MAML3: variants seen among roughly 807,000 people sequenced by gnomAD.
MAML3 encodes mastermind-like protein 3.
A neutral mutation model predicts 101.9 loss-of-function variants in MAML3; 27 were observed. The observed-to-expected ratio is 0.27, with a 90% CI of 0.20 to 0.37. The LOEUF (loss-of-function observed/expected upper bound fraction) is 0.37. MAML3 is among the 10% of genes least tolerant of loss of function. The pLI, the probability that MAML3 is intolerant of heterozygous loss-of-function variation, is 1.00. For missense variants in MAML3, 1,316 were observed against 1,444.9 expected (o/e 0.91, Z 1.45); for synonymous variants, 501 against 555.9 (o/e 0.90, Z 1.39).
Position 140,153,496 on chromosome 4 carries a change from T to C in MAML3, c.-169A>G. 2 of 732,350 alleles carry C rather than the reference T, an allele frequency of 2.7e-6. No individual in the cohort carries two copies. Among genetic ancestry groups the C allele is most frequent in the Non-Finnish European group, 2.1e-6 (1 of 487,366 alleles). 45.4% of individuals were successfully genotyped at this position (732,350 alleles called of 1,614,324 possible). A position where few individuals can be genotyped will look rare whatever the true frequency, so the allele number is the denominator to read the frequency against. Reference sequence around the variant, plus strand: ...GGCGAAAAAAACGGGGGGGGAGATTTTGGGGTGGTTTTTGTTTCCTTTTTT... The same window carrying C: ...GGCGAAAAAAACGGGGGGGGAGATTCTGGGGTGGTTTTTGTTTCCTTTTTT... On this transcript the variant is annotated 5_prime_UTR_variant, in exon 1 of 5. Transcript: ENST00000509479.
chr4:140,101,631 T>C (rs1264677379), intron 1 of MAML3, among the ~76,000 whole-genome samples: 1 of 152,168 alleles, frequency 6.6e-6, no homozygotes, highest in African/African-American at 2.4e-5. Context: ...GTGTCTTCAT[T>C]TGCCTAGCTA....
At chr4:140,022,400 C>T (rs891164548) in intron 1 of MAML3, among the ~76,000 whole-genome samples, 4 of 151,978 alleles carry the variant, frequency 2.6e-5, no homozygotes, top group Admixed American at 6.6e-5. Flanking sequence ...TAAGGGAAAT[C>T]GGAAAAAGGA....
intron 1 of MAML3, 55 bp downstream of exon 1, chr4:140,152,803 CCA>C: frequency 6.5e-7 from 1 of 1,548,576 alleles, no homozygotes; most frequent in Non-Finnish European, 8.7e-7. Context: ...CACGCGCCCC[CCA>C]CCACCACCAC....
At chr4:139,835,426 G>T (rs1731241444) in intron 2 of MAML3, among the ~76,000 whole-genome samples, 1 of 152,180 alleles carries the variant, frequency 6.6e-6, no homozygotes, top group African/African-American at 2.4e-5. Context: ...TTTTGTTTCA[G>T]TTCTTGTTAT....
intron 2 of MAML3, among the ~76,000 whole-genome samples, chr4:139,845,262 G>A (rs1731421684): frequency 6.6e-6 from 1 of 152,262 alleles, no homozygotes; most frequent in East Asian, 1.9e-4. Flanking sequence ...CAGAGAGGGG[G>A]AACTAGACAT....
intron 1 of MAML3, among the ~76,000 whole-genome samples, chr4:139,955,514 C>T (rs1733900713): frequency 6.6e-6 from 1 of 152,136 alleles, no homozygotes; most frequent in African/African-American, 2.4e-5. Context: ...TTCTTTTTAA[C>T]AACTGACTCA....
intron 1 of MAML3, among the ~76,000 whole-genome samples, chr4:140,143,002 C>G (rs149855773): frequency 6.6e-6 from 1 of 152,192 alleles, no homozygotes; most frequent in Non-Finnish European, 1.5e-5. Context: ...CTCCTCTGCA[C>G]AGTTTTATTT....
intron 2 of MAML3, among the ~76,000 whole-genome samples, chr4:139,809,865 TACACACACACAC>T (rs71584333): frequency 4.9e-5 from 7 of 142,948 alleles, no homozygotes; most frequent in African/African-American, 1.0e-4. Flanking sequence ...TACCTGCACG[TACACACACACAC>T]ACACACACAC....
intron 1 of MAML3, among the ~76,000 whole-genome samples, chr4:140,021,925 T>C (rs1339054007): frequency 6.6e-6 from 1 of 152,210 alleles, no homozygotes; most frequent in Non-Finnish European, 1.5e-5. Context: ...CCTTATGAGA[T>C]GGATACCATT....
chr4:139,793,363 C>T (rs1278934051), intron 2 of MAML3, among the ~76,000 whole-genome samples: 1 of 152,158 alleles, frequency 6.6e-6, no homozygotes, highest in Non-Finnish European at 1.5e-5. Flanking sequence ...CCAGAGTCCT[C>T]TTGGGGAGAA....
chr4:139,963,088 A>C (rs1024547548), intron 1 of MAML3, among the ~76,000 whole-genome samples: 1 of 152,206 alleles, frequency 6.6e-6, no homozygotes, highest in Non-Finnish European at 1.5e-5. Flanking sequence ...TTGGGAATGA[A>C]GTTAGTGAAG....
intron 2 of MAML3, among the ~76,000 whole-genome samples, chr4:139,800,437 G>C (rs1712536822): frequency 6.6e-6 from 1 of 152,194 alleles, no homozygotes; most frequent in Admixed American, 6.5e-5. Context: ...TGTGCACTTA[G>C]TAATTGACTT....
chr4:140,055,154 A>C (rs1226475129), intron 1 of MAML3, among the ~76,000 whole-genome samples: 1 of 152,156 alleles, frequency 6.6e-6, no homozygotes, highest in African/African-American at 2.4e-5. Flanking sequence ...GATGAACTCT[A>C]TTCCCCTACC....
chr4:140,124,103 T>C (rs1277105762), intron 1 of MAML3, among the ~76,000 whole-genome samples: 3 of 152,232 alleles, frequency 2.0e-5, no homozygotes, highest in Admixed American at 6.5e-5. Context: ...GACTTCTACC[T>C]TGAGTAGTCA....
intron 2 of MAML3, among the ~76,000 whole-genome samples, chr4:139,875,802 C>T (rs376392406): frequency 7.3e-5 from 11 of 151,460 alleles, no homozygotes; most frequent in African/African-American, 2.7e-4. Context: ...GCTGGGTTGG[C>T]TTATCCAGAG....
chr4:140,130,031 T>C (rs2111038253), intron 1 of MAML3, among the ~76,000 whole-genome samples: 1 of 151,440 alleles, frequency 6.6e-6, no homozygotes, highest in East Asian at 1.9e-4. Flanking sequence ...GAATCCGCAA[T>C]TGTGGAAAAC....
In MAML3 at chr4:139,929,444, G is replaced by A. The variant is rs995990059; in HGVS notation, c.469-38477C>T. ...CCCATTTTATCCATTATGACTCCGA[G>A]GCTTTTACAACAGAGCCATATAACT... On this transcript the variant is annotated intron_variant, in intron 1 of 4. Transcript: ENST00000509479. Among the ~76,000 whole-genome samples, 3 of 152,270 alleles carry A rather than the reference G, an allele frequency of 2.0e-5. No individual in the cohort carries two copies. In the South Asian group the frequency reaches 6.2e-4, roughly 32 times the overall value.
At chr4:139,841,966 T>C (rs1731370301) in intron 2 of MAML3, among the ~76,000 whole-genome samples, 2 of 152,222 alleles carry the variant, frequency 1.3e-5, no homozygotes, top group South Asian at 4.1e-4. Flanking sequence ...GAAAGGGCTT[T>C]GACAAACACA....
At chr4:139,798,733 C>T (rs17050916) in intron 2 of MAML3, among the ~76,000 whole-genome samples, 4,956 of 152,278 alleles carry the variant, frequency 0.033, 257 homozygotes, top group African/African-American at 0.11. Flanking sequence ...TAGAAACCCT[C>T]AGAGACTGAC....
Sources: gnomAD v4.1 joint callset for allele counts (sites outside exome capture counted in the v4.1 genomes callset) on GRCh38, gnomAD v4.1.1 for gene constraint, MANE v1.5 for transcripts, NCBI Gene and HGNC (gene_info 2026-07-23, HGNC 2026-07-21) for gene names.